ATXN1: variants seen among roughly 807,000 people sequenced by gnomAD.
The protein encoded by ATXN1 is ataxin-1.
ATXN1 carries 8 observed loss-of-function variants against 56.4 expected under a neutral mutation model. That is an observed-to-expected ratio of 0.14 (90% CI 0.08 to 0.26). The LOEUF (loss-of-function observed/expected upper bound fraction) is 0.26. Ranked by LOEUF, ATXN1 falls within the 10% of genes least tolerant of loss-of-function variation. The pLI, the probability that ATXN1 is intolerant of heterozygous loss-of-function variation, is 1.00. For missense variants in ATXN1, 987 were observed against 1,106.5 expected (o/e 0.89, Z 1.53); for synonymous variants, 514 against 494.6 (o/e 1.04, Z -0.52).
chr6:16,711,474 G>GA (rs753613869), intron 2 of ATXN1, among the ~76,000 whole-genome samples: 13 of 151,148 alleles, frequency 8.6e-5, no homozygotes, highest in Admixed American at 1.3e-4. Context: ...CAAACACTGA[G>GA]AAAAAATTCA....
intron 6 of ATXN1, among the ~76,000 whole-genome samples, chr6:16,413,702 G>C (rs1295321859): frequency 6.6e-6 from 1 of 152,158 alleles, no homozygotes; most frequent in Non-Finnish European, 1.5e-5. Flanking sequence ...TTTGAGCTTT[G>C]TGACATGATG....
At chr6:16,750,820 C>A (rs759243445) in intron 2 of ATXN1, among the ~76,000 whole-genome samples, 7 of 152,068 alleles carry the variant, frequency 4.6e-5, no homozygotes, top group Admixed American at 3.9e-4. Context: ...AAAAAATGCA[C>A]GTGTACTCAA....
In ATXN1 at chr6:16,306,158, A is replaced by G. The variant is rs1187116455; in HGVS notation, c.*171T>C. On this transcript the variant is annotated 3_prime_UTR_variant, in exon 8 of 8. Coordinates refer to ENST00000436367, the MANE Select transcript of ATXN1 (RefSeq NM_001128164.2). This position sits in a 1 kb window ranked among gnomAD's most constrained non-coding sequence, Gnocchi z 5.2. ...ACTGACAGACACTCGTGGAAAAAGC[A>G]TATGCACCAGTCTCCTGCGACACAC... The G allele has an allele frequency of 6.1e-6, 5 of 823,912 alleles. No homozygotes were observed. In the African/African-American group the frequency reaches 8.6e-5, roughly 14 times the overall value. 51.0% of individuals were successfully genotyped at this position (823,912 alleles called of 1,614,324 possible).
intron 2 of ATXN1, among the ~76,000 whole-genome samples, chr6:16,688,652 A>T (rs1399976920): frequency 2.0e-5 from 3 of 152,222 alleles, no homozygotes; most frequent in Admixed American, 6.5e-5. Context: ...AAACAGGGTA[A>T]TTGTGCAAAG....
intron 3 of ATXN1, among the ~76,000 whole-genome samples, chr6:16,630,480 G>A (rs1006744383): frequency 6.6e-6 from 1 of 152,144 alleles, no homozygotes; most frequent in Non-Finnish European, 1.5e-5. Flanking sequence ...TGATCAACAG[G>A]GGATTCATGG....
chr6:16,584,915 A>G (rs1349617369), intron 4 of ATXN1, among the ~76,000 whole-genome samples: 1 of 152,154 alleles, frequency 6.6e-6, no homozygotes, highest in Non-Finnish European at 1.5e-5. Flanking sequence ...ATACAGAGCT[A>G]TAAGAATATT....
chr6:16,672,444 C>A (rs1035632519), intron 2 of ATXN1, among the ~76,000 whole-genome samples: 1 of 152,124 alleles, frequency 6.6e-6, no homozygotes, highest in African/African-American at 2.4e-5. Context: ...GTAGGCACAA[C>A]AAGGGACCTT....
At chr6:16,654,310 C>G (rs1291741855) in intron 3 of ATXN1, among the ~76,000 whole-genome samples, 1 of 152,044 alleles carries the variant, frequency 6.6e-6, no homozygotes, top group African/African-American at 2.4e-5. Context: ...CTTTGGAAGG[C>G]CAAGGCAGAT....
At chr6:16,430,725 G>A (rs1342089837) in intron 6 of ATXN1, among the ~76,000 whole-genome samples, 15 of 147,636 alleles carry the variant, frequency 1.0e-4, no homozygotes, top group African/African-American at 5.0e-5. Context: ...GTGTGTGTGC[G>A]CGTGTGTGTG....
At chr6:16,587,887 T>C (rs779521780) in intron 3 of ATXN1, among the ~76,000 whole-genome samples, 12 of 150,330 alleles carry the variant, frequency 8.0e-5, no homozygotes, top group African/African-American at 2.7e-4. Context: ...GCTGAGATCG[T>C]GCCATTGCAC....
chr6:16,415,509 C>A (rs959652117), intron 6 of ATXN1, among the ~76,000 whole-genome samples: 1 of 152,222 alleles, frequency 6.6e-6, no homozygotes, highest in African/African-American at 2.4e-5. Flanking sequence ...GGATTACAGG[C>A]GTGAGCCACC....
chr6:16,689,496 CTTCCTTTTTTTTTCT>C (rs1758995919), intron 2 of ATXN1, among the ~76,000 whole-genome samples: 1 of 144,652 alleles, frequency 6.9e-6, no homozygotes, highest in Non-Finnish European at 1.5e-5. Context: ...CTTTTTTTTC[CTTCCTTTTTTTTTCT>C]TTTTTTTTTC....
intron 6 of ATXN1, among the ~76,000 whole-genome samples, chr6:16,376,935 A>G (rs1243433727): frequency 6.6e-6 from 1 of 152,260 alleles, no homozygotes; most frequent in African/African-American, 2.4e-5. Context: ...TAAGGAGTAT[A>G]CAAAGATATA....
intron 6 of ATXN1, among the ~76,000 whole-genome samples, chr6:16,457,878 T>C (rs1015295290): frequency 1.1e-4 from 16 of 152,150 alleles, no homozygotes; most frequent in Non-Finnish European, 2.2e-4. Context: ...ATCAGTTATG[T>C]CTCCTTTAAG....
chr6:16,455,937 C>A (rs1451861811), intron 6 of ATXN1, among the ~76,000 whole-genome samples: 1 of 152,122 alleles, frequency 6.6e-6, no homozygotes, highest in African/African-American at 2.4e-5. Flanking sequence ...CACCAATCAG[C>A]AGGAGTATAA....
At chr6:16,592,904 C>T (rs1762749465) in intron 3 of ATXN1, among the ~76,000 whole-genome samples, 1 of 151,946 alleles carries the variant, frequency 6.6e-6, no homozygotes, top group Non-Finnish European at 1.5e-5. Flanking sequence ...GCTTTTATTC[C>T]ATTATTTTTC....
At chr6:16,347,888 CTT>C (rs1761458887) in intron 6 of ATXN1, among the ~76,000 whole-genome samples, 1 of 152,206 alleles carries the variant, frequency 6.6e-6, no homozygotes, top group African/African-American at 2.4e-5. Flanking sequence ...TTCTTTTTGT[CTT>C]TGCAATAAAT....
At chr6:16,611,737 A>C (rs1489367269) in intron 3 of ATXN1, among the ~76,000 whole-genome samples, 1 of 152,174 alleles carries the variant, frequency 6.6e-6, no homozygotes, top group Non-Finnish European at 1.5e-5. Context: ...GTATGTGTCA[A>C]GATAGTAGAG....
rs902377049 is a variant in ATXN1 at position 16,304,761 on chromosome 6, G to A, written c.*1568C>T. 1 of 152,652 alleles carries A rather than the reference G, an allele frequency of 6.6e-6. No individual in the cohort carries two copies. The highest frequency in any genetic ancestry group is 1.5e-5 in the Non-Finnish European group (1 of 68,034). 9.5% of individuals were successfully genotyped at this position (152,652 alleles called of 1,614,324 possible). On this transcript the variant is annotated 3_prime_UTR_variant, in exon 8 of 8. Transcript: ENST00000436367. ...CCCACAATGTTATTGGATAAAAACT[G>A]CAGGAATATCACACAAGTTATAAAC...
Sources: gnomAD v4.1 joint callset for allele counts (sites outside exome capture counted in the v4.1 genomes callset) on GRCh38, gnomAD v4.1.1 for gene constraint, Gnocchi (gnomAD v3.1) non-coding constraint, MANE v1.5 for transcripts, NCBI Gene and HGNC (gene_info 2026-07-23, HGNC 2026-07-21) for gene names.